The following CD84 variants were observed in gnomAD, a reference collection of about 807,000 sequenced individuals.
The protein encoded by CD84 is CD84 molecule, also known as SLAM family member 5.
CD84 carries 22 observed loss-of-function variants against 33.8 expected under a neutral mutation model. The ratio of observed to expected loss-of-function variants is 0.65; its 90% CI spans 0.46 to 0.93. The LOEUF is 0.93. Ranked by LOEUF, CD84 falls within the 40% of genes least tolerant of loss-of-function variation. The pLI, the probability that CD84 is intolerant of heterozygous loss-of-function variation, is 0.00. For missense variants in CD84, 400 were observed against 397.6 expected, an observed-to-expected ratio of 1.01 and a Z score of -0.05; for synonymous variants, 154 against 145.2, an observed-to-expected ratio of 1.06 and a Z score of -0.44.
chr1:160,568,742 AC>A (rs113630312), intron 1 of CD84, among the ~76,000 whole-genome samples: 7,544 of 152,112 alleles, frequency 0.05, 627 homozygotes, highest in African/African-American at 0.17. Context: ...TGCCTCAGCC[AC>A]CCAAGTAGCT....
chr1:160,570,284 G>A lies in CD84; in HGVS notation c.47-4539C>T, dbSNP rs542521500. ...GTGTTAGAAATATTAAACTTCAGAT[G>A]ATGGTGGACCATGTAAGTAAGCTCT... is the stretch of plus-strand genomic sequence containing the variant. On this transcript the variant is annotated intron_variant, in intron 1 of 6. Coordinates refer to ENST00000368054, the MANE Select transcript of CD84 (RefSeq NM_003874.4). 2.0e-5 allele frequency among the ~76,000 whole-genome samples: 3 copies of A among 152,342 alleles called. 1 individual carries two copies. The South Asian group carries it at 6.2e-4, about 32-fold the overall frequency.
At chr1:160,550,127 C>A in intron 5 of CD84, 148 bp from the exon 6 acceptor site, 1 of 686,454 alleles carries the variant, frequency 1.5e-6, no homozygotes, top group Admixed American at 2.1e-5. Context: ...CTCCATCCAA[C>A]TCTGGAGAGG....
At chr1:160,551,746 T>C (rs7531667) in intron 4 of CD84, among the ~76,000 whole-genome samples, 5,064 of 152,234 alleles carry the variant, frequency 0.033, 289 homozygotes, top group African/African-American at 0.12. Flanking sequence ...GGTTTCACCA[T>C]GTTGCCCAGG....
chr1:160,568,966 C>T (rs535495866), intron 1 of CD84, among the ~76,000 whole-genome samples: 1 of 152,296 alleles, frequency 6.6e-6, no homozygotes, highest in Admixed American at 6.5e-5. Flanking sequence ...TGCTATTTGT[C>T]CTGTTTGGTG....
At chr1:160,561,302 T>C (rs1173532139) in intron 2 of CD84, among the ~76,000 whole-genome samples, 1 of 152,014 alleles carries the variant, frequency 6.6e-6, no homozygotes, top group Non-Finnish European at 1.5e-5. Context: ...CAGCACATCA[T>C]AAAGCTTATC....
rs1655772351 is a variant in CD84, at chr1:160,545,432, T to G, written c.*2824A>C. 1.3e-5 allele frequency: 2 copies of G among 152,138 alleles called. No homozygotes were observed. The highest frequency in any genetic ancestry group is 4.2e-4 in the South Asian group (2 of 4,818). The allele number at this position is 152,138 out of a possible 1,614,324, so 9.4% of individuals were successfully genotyped here. A position where few individuals can be genotyped will look rare whatever the true frequency, so the allele number is the denominator to read the frequency against. ...CAGCCTGTTCAGTGTCACTTTGGAA[T>G]TCCTCCATCCTTTATGACCAAGCCT... On this transcript the variant is annotated 3_prime_UTR_variant, in exon 7 of 7. Coordinates refer to ENST00000368054, the MANE Select transcript of CD84 (RefSeq NM_003874.4).
At chr1:160,565,773 C>T (rs1249479053) in intron 1 of CD84, 28 bp from the exon 2 acceptor site, 1 of 1,514,306 alleles carries the variant, frequency 6.6e-7, no homozygotes, top group Non-Finnish European at 8.8e-7. Context: ...AAACTGTAGC[C>T]ATCTGACTGT....
intron 1 of CD84, among the ~76,000 whole-genome samples, chr1:160,568,483 C>T (rs1224378376): frequency 1.3e-5 from 2 of 152,140 alleles, no homozygotes; most frequent in Non-Finnish European, 2.9e-5. Flanking sequence ...CCTTCAAACA[C>T]TCCAACTGTG....
chr1:160,567,244 C>T (rs908364144), intron 1 of CD84, among the ~76,000 whole-genome samples: 2 of 152,180 alleles, frequency 1.3e-5, no homozygotes, highest in African/African-American at 4.8e-5. Flanking sequence ...AAAGTATACA[C>T]GTCCCTTGAA....
In CD84 at chr1:160,577,117, G is replaced by A. The variant is rs149124956; in HGVS notation, c.46+2275C>T. Among the ~76,000 whole-genome samples, 557 of 152,260 alleles carry A rather than the reference G, an allele frequency of 3.7e-3. 5 individuals carry two copies. The highest frequency in any genetic ancestry group is 0.013 in the African/African-American group (540 of 41,548). On this transcript the variant is annotated intron_variant, in intron 1 of 6. Transcript: ENST00000368054. ...AGTTGGCATCAGAGCATAAGACTGT[G>A]AATTTTGACTCAGAGAAAACTTTTC... is the stretch of plus-strand genomic sequence containing the variant.
chr1:160,559,369 T>A (rs192313917), intron 2 of CD84, among the ~76,000 whole-genome samples: 34 of 152,244 alleles, frequency 2.2e-4, no homozygotes, highest in Admixed American at 1.7e-3. Context: ...GAATTTCATA[T>A]CTGGCCAAAC....
rs1655901046 is a variant in CD84 at position 160,547,553 on chromosome 1, C to T, written c.*703G>A. 1 of 188,678 alleles carries T rather than the reference C, an allele frequency of 5.3e-6. No homozygotes were observed. The highest frequency in any genetic ancestry group is 2.3e-5 in the African/African-American group (1 of 42,976). The allele number at this position is 188,678 out of a possible 1,614,324, so 11.7% of individuals were successfully genotyped here. On this transcript the variant is annotated 3_prime_UTR_variant, in exon 7 of 7. Coordinates refer to ENST00000368054, the MANE Select transcript of CD84 (RefSeq NM_003874.4). ...GTGTCTACATGGCTGAGAGCCACAA[C>T]TCTGACAGAGACCCACACAGCACTG...
rs1571341972 is a variant in CD84 at position 160,547,476 on chromosome 1, C to A, written c.*780G>T. 1.6e-5 allele frequency: 5 copies of A among 316,366 alleles called. No individual in the cohort carries two copies. Among genetic ancestry groups the A allele is most frequent in the Non-Finnish European group, 1.7e-5 (3 of 174,502 alleles). The allele number at this position is 316,366 out of a possible 1,614,324, so 19.6% of individuals were successfully genotyped here. On this transcript the variant is annotated 3_prime_UTR_variant, in exon 7 of 7. Coordinates refer to ENST00000368054, the MANE Select transcript of CD84 (RefSeq NM_003874.4). ...TAGCACTCCAAGAAAAGTGTCCCAG[C>A]AGTCTCTAGACCCTGCAGAAAGAAC...
chr1:160,552,141 A>G (rs1011824597), intron 4 of CD84, among the ~76,000 whole-genome samples: 4 of 152,240 alleles, frequency 2.6e-5, no homozygotes, highest in African/African-American at 9.6e-5. Flanking sequence ...GTTTAGTCCT[A>G]TCACTTATTT....
At chr1:160,573,406 A>T (rs1205844993) in intron 1 of CD84, among the ~76,000 whole-genome samples, 1 of 151,858 alleles carries the variant, frequency 6.6e-6, no homozygotes, top group Non-Finnish European at 1.5e-5. Flanking sequence ...GGAGCTCTCT[A>T]TTCTCCTTTC....
At chr1:160,561,809 G>A (rs1571366854) in intron 2 of CD84, among the ~76,000 whole-genome samples, 1 of 152,084 alleles carries the variant, frequency 6.6e-6, no homozygotes, top group Non-Finnish European at 1.5e-5. Flanking sequence ...AACAACTTCA[G>A]CAATCCTCAA....
chr1:160,551,552 G>C (rs181936219), intron 4 of CD84: 1,940 of 162,676 alleles, frequency 0.012, 16 homozygotes, highest in Middle Eastern at 0.032. Flanking sequence ...GTTTTTGTTT[G>C]TTTTTGAGAC....
intron 2 of CD84, among the ~76,000 whole-genome samples, chr1:160,564,239 T>C (rs879267067): frequency 6.6e-6 from 1 of 152,156 alleles, no homozygotes; most frequent in African/African-American, 2.4e-5. Flanking sequence ...AATTGAGTTA[T>C]CACTGCACAC....
At chr1:160,551,058 C>T in intron 4 of CD84, 23 bp from the exon 5 acceptor site, 2 of 1,556,846 alleles carry the variant, frequency 1.3e-6, no homozygotes, top group South Asian at 1.1e-5. Context: ...TAAATATAGA[C>T]CCACAGTCTG....
Sources: allele counts gnomAD v4.1 joint callset (sites outside exome capture counted in the v4.1 genomes callset), GRCh38; gene constraint gnomAD v4.1.1; transcripts MANE v1.5; gene names NCBI Gene and HGNC (gene_info 2026-07-23, HGNC 2026-07-21).